The following CFD variants were observed in gnomAD, a reference collection of about 807,000 sequenced individuals.
CFD encodes the protein C3 convertase activator.
A neutral mutation model predicts 21.1 loss-of-function variants in CFD; 24 were observed. The observed-to-expected ratio is 1.14, with a 90% confidence interval of 0.82 to 1.60. The LOEUF (loss-of-function observed/expected upper bound fraction) is 1.60, where lower values mean the gene tolerates loss of function less well. CFD is among the 40% of genes most tolerant of loss of function. CFD has a pLI of 0.00. For missense variants in CFD, 535 were observed against 383.3 expected (o/e 1.40, Z -3.31); for synonymous variants, 242 against 175.9 (o/e 1.38, Z -2.97).
chr19:863,369 T>G lies in CFD; in HGVS notation c.*131T>G, dbSNP rs2035839213. The G allele has an allele frequency of 1.8e-6, 2 of 1,086,334 alleles. No homozygotes were observed. Among genetic ancestry groups the G allele is most frequent in the Admixed American group, 4.0e-5 (2 of 49,716 alleles). The allele number at this position is 1,086,334 out of a possible 1,614,324, so 67.3% of individuals were successfully genotyped here. Reference sequence around the variant, plus strand: ...AGAAGGGGAGGCCGAGGTGGGAGGATCATTGGATCTCAGGAGTTCGAGATC... The same window carrying G: ...AGAAGGGGAGGCCGAGGTGGGAGGAGCATTGGATCTCAGGAGTTCGAGATC... On this transcript the variant is annotated 3_prime_UTR_variant, in exon 5 of 5. Transcript: ENST00000327726.
At position 863,059 on chromosome 19, in the gene CFD, G is replaced by A. The variant is rs1204024640; in HGVS notation, c.616-33G>A. 13 of 1,488,574 alleles carry A rather than the reference G, an allele frequency of 8.7e-6. No individual in the cohort carries two copies. In the East Asian group the frequency reaches 1.0e-4, roughly 11 times the overall value. The allele number at this position is 1,488,574 out of a possible 1,614,324, so 92.2% of individuals were successfully genotyped here. The stretch of plus-strand genomic sequence containing the variant: ...ACACGTGAGGCCGGGGTGGGCGCGG[G>A]CCGCCCCTCACGGCCCCGTCCTGTT... On this transcript the variant is annotated intron_variant, in intron 4 of 4. Coordinates refer to ENST00000327726, the MANE Select transcript of CFD (RefSeq NM_001928.4).
intron 3 of CFD, among the ~76,000 whole-genome samples, chr19:861,384 T>C (rs190135736): frequency 0.065 from 719 of 11,120 alleles, 19 homozygotes; most frequent in Non-Finnish European, 0.087. Flanking sequence ...GACCCCGCCC[T>C]ACAACCCCCG....
chr19:862,410 G>A (rs1489500910), intron 4 of CFD, among the ~76,000 whole-genome samples: 3 of 142,828 alleles, frequency 2.1e-5, no homozygotes, highest in Non-Finnish European at 4.6e-5. Context: ...TACCTGTGGG[G>A]AGGGTGGGGC....
At chr19:862,032 G>A (rs1568310498) in intron 4 of CFD, 76 bp downstream of exon 4, 7 of 1,492,050 alleles carry the variant, frequency 4.7e-6, no homozygotes, top group Non-Finnish European at 5.3e-6. Context: ...CGCGAAGCGG[G>A]GGGCAAGTAG....
At position 860,957 on chromosome 19, in the gene CFD, C is replaced by G; in HGVS notation, c.309C>G (p.His103Gln). Residue 103 changes from histidine (H) to glutamine (Q), a missense_variant, in exon 3 of 5, where the codon CAC becomes CAG. By Grantham distance (24) the His-to-Gln change is conservative (BLOSUM62 0). Coordinates refer to ENST00000327726, the MANE Select transcript of CFD (RefSeq NM_001928.4). ...RLYDVLRAVP[H>Q]PDSQPDTIDH... The stretch of plus-strand genomic sequence containing the variant: ...ACGACGTGCTCCGCGCAGTGCCCCA[C>G]CCGGACAGCCAGCCCGACACCATCG... 8.1e-6 allele frequency: 13 copies of G among 1,600,678 alleles called. No individual in the cohort carries two copies. Among genetic ancestry groups the G allele is most frequent in the Non-Finnish European group, 1.1e-5 (13 of 1,179,544 alleles).
chr19:862,108 G>A (rs1453475819), intron 4 of CFD, 152 bp downstream of exon 4: 21 of 1,277,532 alleles, frequency 1.6e-5, no homozygotes, highest in East Asian at 2.6e-5. Context: ...CGGAGCATGA[G>A]GGTGGCCCGT....
At chr19:862,812 G>T (rs951560484) in intron 4 of CFD, among the ~76,000 whole-genome samples, 1 of 151,566 alleles carries the variant, frequency 6.6e-6, no homozygotes, top group Non-Finnish European at 1.5e-5. Context: ...CCCCCATACT[G>T]GAAAGGGCTT....
chr19:860,773 C>T lies in CFD; in HGVS notation c.212C>T (p.Ala71Val), dbSNP rs1389563575. ...AGCGCGGCGCACTGCCTGGAGGACG[C>T]GTGAGTGCCCGCGCCGCGCGGGGGA... ...VLSAAHCLED[A>V]ADGKVQVLLG... The change falls in exon 2 of 5, where the codon GCG becomes GTG. Residue 71 changes from alanine (A) to valine (V), a missense_variant and splice_region_variant. By Grantham distance (64) the Ala-to-Val change is moderately conservative. Coordinates refer to ENST00000327726, the MANE Select transcript of CFD (RefSeq NM_001928.4). 3.2e-6 allele frequency: 5 copies of T among 1,564,102 alleles called. No homozygotes were observed. The highest frequency in any genetic ancestry group is 1.1e-5 in the South Asian group (1 of 87,094).
intron 1 of CFD, among the ~76,000 whole-genome samples, chr19:860,060 C>G (rs2035762499): frequency 6.6e-6 from 1 of 152,120 alleles, no homozygotes; most frequent in African/African-American, 2.4e-5. Context: ...GCACTGCGCC[C>G]AGGGTAGGGC....
chr19:862,092 G>A (rs2035806171), intron 4 of CFD, 136 bp downstream of exon 4: 2 of 1,213,348 alleles, frequency 1.6e-6, no homozygotes, highest in South Asian at 1.5e-5. Flanking sequence ...GGAACTGGAA[G>A]ATGGGCGGAG....
chr19:860,968 A>T lies in CFD; in HGVS notation c.320A>T (p.Gln107Leu). 1 of 1,599,928 alleles carries T rather than the reference A, an allele frequency of 6.3e-7. No individual in the cohort carries two copies. Among genetic ancestry groups the T allele is most frequent in the South Asian group, 1.1e-5 (1 of 91,026 alleles). ...VLRAVPHPDS[Q>L]PDTIDHDLLL... ...CGCGCAGTGCCCCACCCGGACAGCC[A>T]GCCCGACACCATCGACCACGACCTC... Residue 107 changes from glutamine to leucine, a missense_variant, in exon 3 of 5, where the codon CAG becomes CTG. Coordinates refer to ENST00000327726, the MANE Select transcript of CFD (RefSeq NM_001928.4).
In CFD at chr19:863,076, C is replaced by CG; in HGVS notation, c.616-15dup. The CG allele has an allele frequency of 6.6e-7, 1 of 1,514,452 alleles. No individual in the cohort carries two copies. Among genetic ancestry groups the CG allele is most frequent in the Non-Finnish European group, 8.8e-7 (1 of 1,131,346 alleles). 93.8% of individuals were successfully genotyped at this position (1,514,452 alleles called of 1,614,324 possible). A position where few individuals can be genotyped will look rare whatever the true frequency, so the allele number is the denominator to read the frequency against. The stretch of plus-strand genomic sequence containing the variant: ...GGGCGCGGGCCGCCCCTCACGGCCC[C>CG]GTCCTGTTCCGGCAGGGTGACTCCG... On this transcript the variant is annotated splice_polypyrimidine_tract_variant and intron_variant, in intron 4 of 4. Transcript: ENST00000327726.
rs1204522079 is a variant in CFD, at chr19:860,689, T to C, written c.128T>C (p.Val43Ala). Residue 43 changes from valine to alanine, a missense_variant, in exon 2 of 5, where the codon GTG becomes GCG. Physicochemically the swap from Val to Ala is moderately conservative, Grantham distance 64. Transcript: ENST00000327726. The stretch of plus-strand genomic sequence containing the variant: ...CACGCGCGGCCCTACATGGCGTCGG[T>C]GCAGCTGAACGGCGCGCACCTGTGC... The part of the protein sequence containing the change: ...EAHARPYMAS[V>A]QLNGAHLCGG... 1 of 1,547,546 alleles carries C rather than the reference T, an allele frequency of 6.5e-7. No individual in the cohort carries two copies.
rs1273168946 is a variant in CFD at position 863,232 on chromosome 19, G to C, written c.756G>C (p.Leu252=). Residue 252 remains leucine (L), a synonymous_variant, in exon 5 of 5, where the codon CTG becomes CTC. Coordinates refer to ENST00000327726, the MANE Select transcript of CFD (RefSeq NM_001928.4). Reference sequence around the variant, plus strand: ...ATGCGGCCTGGATCGACAGCGTCCTGGCCTAGGGTGCCGGGGCCTGAAGGT... The same window carrying C: ...ATGCGGCCTGGATCGACAGCGTCCTCGCCTAGGGTGCCGGGGCCTGAAGGT... ...ASYAAWIDSV[L]A 6.5e-7 allele frequency: 1 copy of C among 1,546,764 alleles called. No homozygotes were observed.
At chr19:862,811 T>C (rs2035822863) in intron 4 of CFD, among the ~76,000 whole-genome samples, 1 of 120,376 alleles carries the variant, frequency 8.3e-6, no homozygotes. Context: ...ACCCCCATAC[T>C]GGAAAGGGCT....
chr19:862,805 C>T (rs1379281881), intron 4 of CFD, among the ~76,000 whole-genome samples: 2 of 150,436 alleles, frequency 1.3e-5, no homozygotes, highest in Non-Finnish European at 3.0e-5. Context: ...TGTGGGACCC[C>T]CATACTGGAA....
At position 861,418 on chromosome 19, in the gene CFD, C is replaced by G. The variant is rs1391030662; in HGVS notation, c.358-281C>G. ...CGCACCCTCACCCCGGGTCTAGCCT[C>G]GACCTCTGCGGCTGCACTGGGAGCC... On this transcript the variant is annotated intron_variant, in intron 3 of 4. Coordinates refer to ENST00000327726, the MANE Select transcript of CFD (RefSeq NM_001928.4). 1.3e-4 allele frequency among the ~76,000 whole-genome samples: 17 copies of G among 128,090 alleles called. No homozygotes were observed. In the East Asian group the frequency reaches 2.9e-3, roughly 22 times the overall value. The allele number at this position is 128,090 out of a possible 152,430, so 84.0% of individuals were successfully genotyped here.
At chr19:860,268 G>A (rs2145158913) in intron 1 of CFD, among the ~76,000 whole-genome samples, 1 of 151,880 alleles carries the variant, frequency 6.6e-6, no homozygotes, top group African/African-American at 2.4e-5. Context: ...TCGGCTCACT[G>A]CAAACTCCGA....
At chr19:862,859 T>TGAGGCC (rs916103805) in intron 4 of CFD, among the ~76,000 whole-genome samples, 23 of 112,162 alleles carry the variant, frequency 2.1e-4, no homozygotes, top group East Asian at 1.8e-3. Context: ...GTGGTGAGGT[T>TGAGGCC]GAGGCCAGAG....
Sources: gnomAD v4.1 joint callset for allele counts (sites outside exome capture counted in the v4.1 genomes callset) on GRCh38, gnomAD v4.1.1 for gene constraint, MANE v1.5 for transcripts, NCBI Gene and HGNC (gene_info 2026-07-23, HGNC 2026-07-21) for gene names.